The following VTA1 variants were observed in gnomAD, a reference collection of about 807,000 sequenced individuals.
VTA1 encodes the protein vacuolar protein sorting-associated protein VTA1 homolog.
Under a neutral mutation model 36.9 loss-of-function variants are expected in VTA1, and 24 were observed. The observed-to-expected ratio is 0.65, with a 90% confidence interval of 0.47 to 0.91. The LOEUF is 0.91. Among genes scored for constraint, VTA1 ranks in the 40% least tolerant of loss-of-function variants. The pLI is 0.00. For synonymous variants in VTA1, 142 were observed against 130.2 expected (o/e 1.09, Z -0.62); for missense variants, 393 against 377.2 (o/e 1.04, Z -0.35).
intron 7 of VTA1, among the ~76,000 whole-genome samples, chr6:142,207,958 A>T (rs1270969159): frequency 7.2e-5 from 11 of 151,864 alleles, no homozygotes; most frequent in Non-Finnish European, 1.5e-5. Context: ...ATGGTGGTGC[A>T]TGCCTATAAT....
chr6:142,166,367 A>G (rs776671306), intron 2 of VTA1, 45 bp downstream of exon 2: 26 of 1,396,088 alleles, frequency 1.9e-5, no homozygotes, highest in South Asian at 4.9e-5. Flanking sequence ...TGGTTAAAAT[A>G]CCATTTTATT....
At chr6:142,189,563 G>A in intron 5 of VTA1, 29 bp downstream of exon 5, 1 of 1,553,784 alleles carries the variant, frequency 6.4e-7, no homozygotes, top group Non-Finnish European at 8.8e-7. Flanking sequence ...TGAGTAAAAG[G>A]ACTTAGTAGA....
At chr6:142,204,174 G>C (rs1775741958) in intron 7 of VTA1, 109 bp downstream of exon 7, 1 of 937,806 alleles carries the variant, frequency 1.1e-6, no homozygotes. Context: ...ACTGAAATTT[G>C]AATTTCTAGG....
At chr6:142,173,018 T>C (rs1562259973) in intron 4 of VTA1, among the ~76,000 whole-genome samples, 1 of 151,258 alleles carries the variant, frequency 6.6e-6, no homozygotes. Flanking sequence ...TGGGCCTTAG[T>C]TGAGAGGTGG....
chr6:142,151,336 A>G (rs988535205), intron 1 of VTA1, among the ~76,000 whole-genome samples: 6 of 152,176 alleles, frequency 3.9e-5, no homozygotes, highest in African/African-American at 1.4e-4. Flanking sequence ...GTGTTGCAGT[A>G]TTCTGAATTC....
At chr6:142,197,530 G>T (rs1775575804) in intron 5 of VTA1, among the ~76,000 whole-genome samples, 1 of 152,100 alleles carries the variant, frequency 6.6e-6, no homozygotes, top group Non-Finnish European at 1.5e-5. Context: ...TTAAAAGTTT[G>T]CATTTCAGAA....
intron 4 of VTA1, among the ~76,000 whole-genome samples, chr6:142,170,815 G>A (rs1286602589): frequency 6.6e-6 from 1 of 151,794 alleles, no homozygotes; most frequent in African/African-American, 2.4e-5. Context: ...GTATTTTTTT[G>A]TAGAGACATG....
chr6:142,165,681 A>C (rs553700137), intron 1 of VTA1, among the ~76,000 whole-genome samples: 71 of 152,312 alleles, frequency 4.7e-4, no homozygotes, highest in Middle Eastern at 3.4e-3. Flanking sequence ...TGGGAAAGCT[A>C]CTGAAATTGT....
At chr6:142,174,947 T>C (rs957562545) in intron 4 of VTA1, among the ~76,000 whole-genome samples, 1 of 152,166 alleles carries the variant, frequency 6.6e-6, no homozygotes, top group Non-Finnish European at 1.5e-5. Flanking sequence ...GGCCCAGGCT[T>C]ATGCAGCCTG....
intron 1 of VTA1, among the ~76,000 whole-genome samples, chr6:142,158,103 T>A (rs1478724915): frequency 2.0e-5 from 3 of 150,620 alleles, no homozygotes; most frequent in East Asian, 3.9e-4. Context: ...TAAATACCTA[T>A]CAGTATGGAA....
chr6:142,172,298 C>T (rs1436112827), intron 4 of VTA1, among the ~76,000 whole-genome samples: 1 of 152,204 alleles, frequency 6.6e-6, no homozygotes, highest in African/African-American at 2.4e-5. Context: ...CATGAGCTAC[C>T]AAGTCCAGCC....
chr6:142,194,799 C>T (rs1341219973), intron 5 of VTA1, among the ~76,000 whole-genome samples: 1 of 151,712 alleles, frequency 6.6e-6, no homozygotes, highest in African/African-American at 2.4e-5. Flanking sequence ...TGTTTTTTGC[C>T]CTATGTGATA....
chr6:142,159,446 A>G (rs73581627), intron 1 of VTA1, among the ~76,000 whole-genome samples: 206 of 150,536 alleles, frequency 1.4e-3, no homozygotes, highest in African/African-American at 4.2e-3. Flanking sequence ...TGTCTATACT[A>G]TTAATCCTGT....
chr6:142,156,437 C>T (rs1778663388), intron 1 of VTA1, among the ~76,000 whole-genome samples: 2 of 152,102 alleles, frequency 1.3e-5, no homozygotes, highest in African/African-American at 4.8e-5. Flanking sequence ...TGTCTCTGAG[C>T]TCCATCTCTT....
chr6:142,189,593 T>C, intron 5 of VTA1, 59 bp downstream of exon 5: 5 of 1,390,578 alleles, frequency 3.6e-6, no homozygotes, highest in Non-Finnish European at 5.0e-6. Flanking sequence ...ATTCAGTAGA[T>C]TACTCAAAGT....
intron 4 of VTA1, among the ~76,000 whole-genome samples, chr6:142,171,526 A>G (rs1019490477): frequency 1.3e-5 from 2 of 152,192 alleles, no homozygotes; most frequent in Non-Finnish European, 2.9e-5. Flanking sequence ...CATTCTATCT[A>G]TTTGATTCCC....
At chr6:142,196,082 CTG>C (rs1224767776) in intron 5 of VTA1, among the ~76,000 whole-genome samples, 2 of 152,086 alleles carry the variant, frequency 1.3e-5, no homozygotes, top group African/African-American at 2.4e-5. Context: ...TTTTGAGACT[CTG>C]TTATTATATT....
At chr6:142,177,513 T>C (rs1452433629) in intron 4 of VTA1, among the ~76,000 whole-genome samples, 3 of 152,178 alleles carry the variant, frequency 2.0e-5, no homozygotes, top group Non-Finnish European at 4.4e-5. Flanking sequence ...TTGCAGATTC[T>C]AGCAGTAGTA....
rs773177624 is a variant in VTA1 at position 142,147,305 on chromosome 6, G to C, written c.18G>C (p.Pro6=). 32 of 1,614,162 alleles carry C rather than the reference G, an allele frequency of 2.0e-5. No individual in the cohort carries two copies. The highest frequency in any genetic ancestry group is 2.1e-5 in the Non-Finnish European group (25 of 1,180,026). ...GAGTAGAGATGGCCGCGCTTGCACC[G>C]CTGCCCCCGCTCCCCGCACAGTTCA... MAALA[P]LPPLPAQFKS... is the part of the protein sequence containing the mutation. Residue 6 remains proline (P), a synonymous_variant, in exon 1 of 8, where the codon CCG becomes CCC. Transcript: ENST00000367630.
Sources: gnomAD v4.1 joint callset for allele counts (sites outside exome capture counted in the v4.1 genomes callset) on GRCh38, gnomAD v4.1.1 for gene constraint, MANE v1.5 for transcripts, NCBI Gene and HGNC (gene_info 2026-07-23, HGNC 2026-07-21) for gene names.